The following ST6GALNAC3 variants were observed in gnomAD, a reference collection of about 807,000 sequenced individuals.
The protein encoded by ST6GALNAC3 is alpha-N-acetylgalactosaminide alpha-2,6-sialyltransferase 3.
In ST6GALNAC3, 25 loss-of-function variants were observed where a neutral mutation model predicts 32.7. The observed-to-expected ratio is 0.76, with a 90% CI of 0.56 to 1.07. The LOEUF (loss-of-function observed/expected upper bound fraction) is 1.07, where lower values mean the gene tolerates loss of function less well. Ranked by LOEUF, ST6GALNAC3 falls within the 50% of genes least tolerant of loss-of-function variation. The probability of loss-of-function intolerance (pLI) is 0.00; values close to 1 mark genes in which losing one functional copy is unlikely to be tolerated. For missense variants in ST6GALNAC3, 355 were observed against 382.4 expected (o/e 0.93, Z 0.60); for synonymous variants, 129 against 133.1 (o/e 0.97, Z 0.21).
rs529863910 is a variant in ST6GALNAC3, at chr1:76,449,788, CTTAT to C, written c.623+37377_623+37380del. Among the ~76,000 whole-genome samples the C allele has an allele frequency of 1.9e-3, 294 of 152,076 alleles. 3 individuals are homozygous for C. The highest frequency in any genetic ancestry group is 6.8e-3 in the African/African-American group (283 of 41,494). ...GTGTAACGGTCTTTTGTCAGATTGC[CTTAT>C]TTATTCATTTATTTTAATCAATTTA... On this transcript the variant is annotated intron_variant, in intron 3 of 4. Transcript: ENST00000328299.
At chr1:76,442,642 G>A (rs1178778229) in intron 3 of ST6GALNAC3, among the ~76,000 whole-genome samples, 1 of 152,142 alleles carries the variant, frequency 6.6e-6, no homozygotes, top group Non-Finnish European at 1.5e-5. Context: ...GGCAACAGAT[G>A]TGTTATTTGA....
At chr1:76,541,132 C>T (rs2100286856) in intron 3 of ST6GALNAC3, among the ~76,000 whole-genome samples, 1 of 152,268 alleles carries the variant, frequency 6.6e-6, no homozygotes, top group African/African-American at 2.4e-5. Flanking sequence ...AAGAGATCAG[C>T]ATTCCTAGAG....
chr1:76,495,363 T>C (rs1660788788), intron 3 of ST6GALNAC3, among the ~76,000 whole-genome samples: 6 of 152,176 alleles, frequency 3.9e-5, no homozygotes, highest in Admixed American at 3.9e-4. Context: ...AGGGTAGGAT[T>C]TCTTGTTCTG....
chr1:76,568,818 C>T (rs1390651770), intron 3 of ST6GALNAC3, among the ~76,000 whole-genome samples: 1 of 152,172 alleles, frequency 6.6e-6, no homozygotes, highest in Non-Finnish European at 1.5e-5. Context: ...AGTGGAAATG[C>T]TAGTTGCATT....
intron 3 of ST6GALNAC3, chr1:76,577,162 G>C: frequency 1.9e-6 from 2 of 1,033,730 alleles, no homozygotes; most frequent in Non-Finnish European, 1.2e-6. Flanking sequence ...GTTTTGATCA[G>C]TTTTTGTTTT....
At chr1:76,612,862 G>C (rs1373310593) in intron 3 of ST6GALNAC3, among the ~76,000 whole-genome samples, 2 of 151,952 alleles carry the variant, frequency 1.3e-5, no homozygotes, top group Non-Finnish European at 2.9e-5. Context: ...GTGGCCTTCT[G>C]ATAAATAAAA....
intron 1 of ST6GALNAC3, among the ~76,000 whole-genome samples, chr1:76,217,097 T>C (rs1655507404): frequency 6.6e-6 from 1 of 152,252 alleles, no homozygotes; most frequent in Non-Finnish European, 1.5e-5. Context: ...TCTTTTAAGA[T>C]GTAAGTTTTG....
At chr1:76,085,503 G>A (rs761406847) in intron 1 of ST6GALNAC3, among the ~76,000 whole-genome samples, 3 of 152,180 alleles carry the variant, frequency 2.0e-5, no homozygotes, top group Non-Finnish European at 4.4e-5. Flanking sequence ...GAGAGGCCAA[G>A]TGACTGCCCA....
chr1:76,402,399 A>G lies in ST6GALNAC3; in HGVS notation c.214-9609A>G, dbSNP rs565094000. ...GCTTCCCTATCTTTTCCATTTACTA[A>G]TTTTGCCACCATTTCCTTCCACTTT... On this transcript the variant is annotated intron_variant, in intron 2 of 4. Coordinates refer to ENST00000328299, the MANE Select transcript of ST6GALNAC3 (RefSeq NM_152996.4). 2.6e-5 allele frequency among the ~76,000 whole-genome samples: 4 copies of G among 152,160 alleles called. No individual in the cohort carries two copies. In the South Asian group the frequency reaches 8.3e-4, roughly 32 times the overall value.
intron 3 of ST6GALNAC3, among the ~76,000 whole-genome samples, chr1:76,478,523 A>T (rs1659499025): frequency 6.6e-6 from 1 of 151,942 alleles, no homozygotes; most frequent in South Asian, 2.1e-4. Context: ...TTCTAGGGAG[A>T]CTTCAATTCC....
At chr1:76,482,326 A>C (rs954894524) in intron 3 of ST6GALNAC3, among the ~76,000 whole-genome samples, 1 of 152,180 alleles carries the variant, frequency 6.6e-6, no homozygotes, top group African/African-American at 2.4e-5. Context: ...ATTAAAAGGA[A>C]GACAAAAAAA....
chr1:76,184,562 C>CACACACACAT (rs1553163156), intron 1 of ST6GALNAC3, among the ~76,000 whole-genome samples: 5 of 147,976 alleles, frequency 3.4e-5, no homozygotes, highest in African/African-American at 1.3e-4. Flanking sequence ...CACACACACA[C>CACACACACAT]GAAACATATG....
At chr1:76,497,778 A>G (rs1406803108) in intron 3 of ST6GALNAC3, among the ~76,000 whole-genome samples, 1 of 152,188 alleles carries the variant, frequency 6.6e-6, no homozygotes. Flanking sequence ...ATCAAAGCCC[A>G]TACTCTCAAC....
At chr1:76,519,504 G>A (rs1032378887) in intron 3 of ST6GALNAC3, among the ~76,000 whole-genome samples, 15 of 152,004 alleles carry the variant, frequency 9.9e-5, no homozygotes, top group African/African-American at 3.6e-4. Flanking sequence ...GTAGACTGAC[G>A]AACTGAATTT....
intron 3 of ST6GALNAC3, among the ~76,000 whole-genome samples, chr1:76,588,059 C>T (rs954399560): frequency 6.6e-5 from 10 of 152,184 alleles, no homozygotes; most frequent in South Asian, 2.1e-4. Flanking sequence ...CCATTTTTAC[C>T]GGCAGCCAGT....
intron 3 of ST6GALNAC3, among the ~76,000 whole-genome samples, chr1:76,535,572 T>A (rs1016491022): frequency 7.2e-5 from 11 of 152,172 alleles, no homozygotes; most frequent in African/African-American, 2.2e-4. Context: ...ATATTTGCAA[T>A]CTATTTTAAA....
intron 3 of ST6GALNAC3, among the ~76,000 whole-genome samples, chr1:76,545,810 CCA>C (rs1664263314): frequency 6.6e-6 from 1 of 152,070 alleles, no homozygotes; most frequent in Admixed American, 6.6e-5. Context: ...GCATGCCCCC[CCA>C]CATCCAGCTA....
intron 2 of ST6GALNAC3, among the ~76,000 whole-genome samples, chr1:76,351,216 A>G (rs1648950944): frequency 6.6e-6 from 1 of 152,140 alleles, no homozygotes; most frequent in African/African-American, 2.4e-5. Context: ...ATAACTTTCT[A>G]TCTTTTTGTT....
rs568694243 is a variant in ST6GALNAC3 at position 76,278,223 on chromosome 1, C to CTTTTTTTTTTTTT, written c.19-35579_19-35567dup. Among the ~76,000 whole-genome samples, 441 of 113,640 alleles carry CTTTTTTTTTTTTT rather than the reference C, an allele frequency of 3.9e-3. 24 individuals are homozygous for CTTTTTTTTTTTTT. Among genetic ancestry groups the CTTTTTTTTTTTTT allele is most frequent in the African/African-American group, 0.018 (393 of 21,484 alleles). 74.6% of individuals were successfully genotyped at this position (113,640 alleles called of 152,430 possible). On this transcript the variant is annotated intron_variant, in intron 1 of 4. Transcript: ENST00000328299. Reference sequence around the variant, plus strand: ...TGTATTCTCATTATTGCTAGGCATTCTTTTTTTTTTTTTTTGAGATGGAGT... The same window carrying CTTTTTTTTTTTTT: ...TGTATTCTCATTATTGCTAGGCATTCTTTTTTTTTTTTTTTTTTTTTTTTTTTTGAGATGGAGT...
Sources: gnomAD v4.1 joint callset for allele counts (sites outside exome capture counted in the v4.1 genomes callset) on GRCh38, gnomAD v4.1.1 for gene constraint, MANE v1.5 for transcripts, NCBI Gene and HGNC (gene_info 2026-07-23, HGNC 2026-07-21) for gene names.